The following PGGT1B variants were observed in gnomAD, a reference collection of about 807,000 sequenced individuals.
PGGT1B encodes protein geranylgeranyltransferase type I subunit beta, also known as geranylgeranyl transferase type-1 subunit beta.
PGGT1B carries 30 observed loss-of-function variants against 46.1 expected under a neutral mutation model. That is an observed-to-expected ratio of 0.65 (90% CI 0.49 to 0.88). The LOEUF (loss-of-function observed/expected upper bound fraction) is 0.88, where lower values mean the gene tolerates loss of function less well. Ranked by LOEUF, PGGT1B falls within the 40% of genes least tolerant of loss-of-function variation. The pLI is 0.00. For missense variants in PGGT1B, 376 were observed against 455.9 expected, an observed-to-expected ratio of 0.82 and a Z score of 1.60; for synonymous variants, 170 against 160.0, an observed-to-expected ratio of 1.06 and a Z score of -0.47.
At chr5:115,258,621 T>C (rs1490841046) in intron 1 of PGGT1B, among the ~76,000 whole-genome samples, 2 of 152,222 alleles carry the variant, frequency 1.3e-5, no homozygotes, top group Non-Finnish European at 2.9e-5. Context: ...TTCTTCTTAT[T>C]GTCCATTTGC....
intron 6 of PGGT1B, among the ~76,000 whole-genome samples, chr5:115,227,575 G>A (rs1756828030): frequency 6.6e-6 from 1 of 152,186 alleles, no homozygotes. Flanking sequence ...TCTGGCAGGT[G>A]ACTGTGTCTG....
rs1756211633 is a variant in PGGT1B, at chr5:115,211,224, GATAA to G, written c.*1174_*1177del. On this transcript the variant is annotated 3_prime_UTR_variant, in exon 9 of 9. Coordinates refer to ENST00000419445, the MANE Select transcript of PGGT1B (RefSeq NM_005023.4). ...GAGCAAGTAACGGATATGAGTTATT[GATAA>G]ATTAATTACTAATGAAGAGTTTTTA... 6.6e-6 allele frequency: 1 copy of G among 151,922 alleles called. No individual in the cohort carries two copies. The highest frequency in any genetic ancestry group is 2.1e-4 in the South Asian group (1 of 4,814). The allele number at this position is 151,922 out of a possible 1,614,324, so 9.4% of individuals were successfully genotyped here.
At chr5:115,244,480 A>AAC (rs748405755) in intron 2 of PGGT1B, among the ~76,000 whole-genome samples, 1 of 136,238 alleles carries the variant, frequency 7.3e-6, no homozygotes. Flanking sequence ...AAAAAAAAAA[A>AAC]AAAAAAAAAA....
rs775898932 is a variant in PGGT1B at position 115,212,594 on chromosome 5, G to T, written c.953-11C>A. 7 of 1,582,892 alleles carry T rather than the reference G, an allele frequency of 4.4e-6. No homozygotes were observed. The highest frequency in any genetic ancestry group is 6.0e-6 in the Non-Finnish European group (7 of 1,164,304). ...ATGCATGCAAAGCATCTGAAAAGAAGGCATTTAAAACATCATAATAGGCAT... is the reference window on the plus strand; with the variant it reads ...ATGCATGCAAAGCATCTGAAAAGAATGCATTTAAAACATCATAATAGGCAT... On this transcript the variant is annotated splice_polypyrimidine_tract_variant and intron_variant, in intron 8 of 8. Transcript: ENST00000419445.
At chr5:115,261,915 T>C (rs944230989) in intron 1 of PGGT1B, among the ~76,000 whole-genome samples, 1 of 152,310 alleles carries the variant, frequency 6.6e-6, no homozygotes, top group Middle Eastern at 3.4e-3. Context: ...TGTGCAGAAG[T>C]AATCTGCAAA....
At chr5:115,218,702 G>C (rs1347561407) in intron 7 of PGGT1B, among the ~76,000 whole-genome samples, 1 of 151,456 alleles carries the variant, frequency 6.6e-6, no homozygotes, top group Non-Finnish European at 1.5e-5. Context: ...AGGAATGAAA[G>C]AATACCACTG....
At chr5:115,213,209 C>T (rs1756294238) in intron 8 of PGGT1B, among the ~76,000 whole-genome samples, 1 of 152,200 alleles carries the variant, frequency 6.6e-6, no homozygotes, top group African/African-American at 2.4e-5. Context: ...AACAAACTCA[C>T]ATTCTATTTG....
intron 3 of PGGT1B, 39 bp downstream of exon 3, chr5:115,241,500 A>C: frequency 7.8e-7 from 1 of 1,285,084 alleles, no homozygotes; most frequent in Non-Finnish European, 1.1e-6. Context: ...AAATATCCCT[A>C]CATCCCTTCT....
rs1756087948 is a variant in PGGT1B at position 115,207,158 on chromosome 5, A to G, written c.*5244T>C. ...TCTTCTCTTCAAGTATCTTCTAACT[A>G]GTTTAGGTTTGCATATACATACATA... On this transcript the variant is annotated 3_prime_UTR_variant, in exon 9 of 9. Coordinates refer to ENST00000419445, the MANE Select transcript of PGGT1B (RefSeq NM_005023.4). 1.0e-5 allele frequency: 1 copy of G among 98,832 alleles called. No individual in the cohort carries two copies. Among genetic ancestry groups the G allele is most frequent in the Non-Finnish European group, 2.2e-5 (1 of 45,480 alleles). 6.1% of individuals were successfully genotyped at this position (98,832 alleles called of 1,614,324 possible). A position where few individuals can be genotyped will look rare whatever the true frequency, so the allele number is the denominator to read the frequency against.
intron 4 of PGGT1B, among the ~76,000 whole-genome samples, chr5:115,237,449 T>C (rs992400045): frequency 6.6e-6 from 1 of 152,174 alleles, no homozygotes. Context: ...TCATGGAAAC[T>C]ACCTACTCTG....
Position 115,237,789 on chromosome 5 carries a change from C to T in PGGT1B, c.479+69G>A, listed in dbSNP as rs1757226514. 9.1e-6 allele frequency: 12 copies of T among 1,322,910 alleles called. No homozygotes were observed. In the East Asian group the frequency reaches 2.5e-4, roughly 28 times the overall value. 81.9% of individuals were successfully genotyped at this position (1,322,910 alleles called of 1,614,324 possible). ...GATCCTCTAAAGATCTAGTATAGTA[C>T]TGTATCCATTTTTTAGTTCCAATAT... is the stretch of plus-strand genomic sequence containing the variant. On this transcript the variant is annotated intron_variant, in intron 4 of 8. Coordinates refer to ENST00000419445, the MANE Select transcript of PGGT1B (RefSeq NM_005023.4).
In PGGT1B at chr5:115,208,007, CTT is replaced by C. The variant is rs1756113290; in HGVS notation, c.*4393_*4394del. 6.6e-6 allele frequency: 1 copy of C among 151,896 alleles called. No homozygotes were observed. Among genetic ancestry groups the C allele is most frequent in the Non-Finnish European group, 1.5e-5 (1 of 67,920 alleles). The allele number at this position is 151,896 out of a possible 1,614,324, so 9.4% of individuals were successfully genotyped here. On this transcript the variant is annotated 3_prime_UTR_variant, in exon 9 of 9. Transcript: ENST00000419445. ...GCAAAGATGAAGATATTTTTTAACT[CTT>C]AATATGAATAGTAACAGATTATCTA...
Position 115,232,242 on chromosome 5 carries a change from A to C in PGGT1B, c.613-1221T>G, listed in dbSNP as rs115457273. Among the ~76,000 whole-genome samples the C allele has an allele frequency of 6.9e-3, 1,053 of 152,218 alleles. 15 individuals carry two copies. The highest frequency in any genetic ancestry group is 0.024 in the African/African-American group (1,010 of 41,562). ...TCTAGGTATACCACCAGAAGAACTA[A>C]GTGAAGGTGAAACATCTATAAGCAA... On this transcript the variant is annotated intron_variant, in intron 5 of 8. Transcript: ENST00000419445.
At chr5:115,253,051 A>G (rs563320996) in intron 2 of PGGT1B, 86 bp downstream of exon 2, 325 of 1,093,214 alleles carry the variant, frequency 3.0e-4, no homozygotes, top group Middle Eastern at 8.2e-4. Context: ...TTAACAGTAT[A>G]CAAGTACTAA....
chr5:115,209,258 A>C lies in PGGT1B; in HGVS notation c.*3144T>G, dbSNP rs1756151865. ...ATTCTAATTCTAGAAGTTTGTCCTC[A>C]GTGCTGGGCTTTGTCTCATAAGCTT... On this transcript the variant is annotated 3_prime_UTR_variant, in exon 9 of 9. Coordinates refer to ENST00000419445, the MANE Select transcript of PGGT1B (RefSeq NM_005023.4). The C allele has an allele frequency of 6.6e-6, 1 of 152,090 alleles. No homozygotes were observed. Among genetic ancestry groups the C allele is most frequent in the African/African-American group, 2.4e-5 (1 of 41,412 alleles). The allele number at this position is 152,090 out of a possible 1,614,324, so 9.4% of individuals were successfully genotyped here.
chr5:115,259,464 C>T (rs1440050359), intron 1 of PGGT1B, among the ~76,000 whole-genome samples: 1 of 151,900 alleles, frequency 6.6e-6, no homozygotes, highest in Non-Finnish European at 1.5e-5. Context: ...CCGAGGCGGG[C>T]GGATCACAAG....
At position 115,253,262 on chromosome 5, in the gene PGGT1B, G is replaced by C. The variant is rs1561485959; in HGVS notation, c.141-7C>G. 3 of 1,565,624 alleles carry C rather than the reference G, an allele frequency of 1.9e-6. No homozygotes were observed. The highest frequency in any genetic ancestry group is 1.4e-5 in the African/African-American group (1 of 71,728). ...AAAAAATGCAATTGTCAACCTAAAA[G>C]AAAAAAATGTAAAATTCCATCTTAA... On this transcript the variant is annotated splice_polypyrimidine_tract_variant and splice_region_variant and intron_variant, in intron 1 of 8. Coordinates refer to ENST00000419445, the MANE Select transcript of PGGT1B (RefSeq NM_005023.4).
chr5:115,232,712 T>C (rs1757029609), intron 5 of PGGT1B, among the ~76,000 whole-genome samples: 1 of 152,014 alleles, frequency 6.6e-6, no homozygotes, highest in Non-Finnish European at 1.5e-5. Flanking sequence ...GTGGTTATCA[T>C]TATAGTATGG....
chr5:115,248,715 A>G (rs1234999558), intron 2 of PGGT1B, among the ~76,000 whole-genome samples: 1 of 152,202 alleles, frequency 6.6e-6, no homozygotes, highest in Non-Finnish European at 1.5e-5. Context: ...TTAAACAGTA[A>G]AACAACATTG....
Sources: gnomAD v4.1 joint callset for allele counts (sites outside exome capture counted in the v4.1 genomes callset) on GRCh38, gnomAD v4.1.1 for gene constraint, MANE v1.5 for transcripts, NCBI Gene and HGNC (gene_info 2026-07-23, HGNC 2026-07-21) for gene names.